Variants in CFAP69 observed in about 807,000 individuals in gnomAD.
CFAP69 encodes cilia- and flagella-associated protein 69.
CFAP69 carries 92 observed loss-of-function variants against 123.0 expected under a neutral mutation model. The ratio of observed to expected loss-of-function variants is 0.75; its 90% CI spans 0.63 to 0.89. The LOEUF is 0.89. Ranked by LOEUF, CFAP69 falls within the 40% of genes least tolerant of loss-of-function variation. The pLI is 0.00. For synonymous variants in CFAP69, 380 were observed against 364.3 expected, an observed-to-expected ratio of 1.04 and a Z score of -0.49; for missense variants, 1,067 against 1,096.9, an observed-to-expected ratio of 0.97 and a Z score of 0.39.
chr7:90,304,533 C>G, intron 18 of CFAP69: 1 of 1,325,722 alleles, frequency 7.5e-7, no homozygotes, highest in Non-Finnish European at 9.6e-7. Flanking sequence ...ATTGGATGAC[C>G]TGGCAGAAAT....
intron 4 of CFAP69, among the ~76,000 whole-genome samples, chr7:90,264,107 ATATATATATATATATATAT>A (rs1562855183): frequency 0.012 from 727 of 61,978 alleles, 128 homozygotes; most frequent in South Asian, 0.028. Flanking sequence ...AAAAAAAAAT[ATATATATATATATATATAT>A]ATATATATAT....
At chr7:90,315,001 A>G (rs1277555274), downstream of CFAP69, among the ~76,000 whole-genome samples, 5 of 152,198 alleles carry the variant, frequency 3.3e-5, no homozygotes, top group African/African-American at 4.8e-5. Flanking sequence ...AGCGTATGAA[A>G]AAAAAGCTCA....
chr7:90,285,288 A>G (rs1458572912), intron 13 of CFAP69, among the ~76,000 whole-genome samples: 1 of 152,162 alleles, frequency 6.6e-6, no homozygotes, highest in Non-Finnish European at 1.5e-5. Context: ...AATGGGACCT[A>G]GAATAGTCAG....
chr7:90,283,483 T>A (rs1343087582), intron 13 of CFAP69, among the ~76,000 whole-genome samples: 1 of 152,188 alleles, frequency 6.6e-6, no homozygotes, highest in Admixed American at 6.5e-5. Context: ...TTTTCTGATA[T>A]GAAATATCAG....
intron 12 of CFAP69, among the ~76,000 whole-genome samples, chr7:90,281,129 A>C (rs2117056484): frequency 6.6e-6 from 1 of 152,258 alleles, no homozygotes; most frequent in East Asian, 1.9e-4. Context: ...CCTCTCAACA[A>C]ACCTAGGAGG....
At chr7:90,305,339 TAA>T (rs1214395186) in intron 19 of CFAP69, among the ~76,000 whole-genome samples, 11 of 65,286 alleles carry the variant, frequency 1.7e-4, no homozygotes, top group South Asian at 4.2e-4. Flanking sequence ...AGACTCCGTC[TAA>T]AAAAAAAAAA....
intron 12 of CFAP69, among the ~76,000 whole-genome samples, chr7:90,282,040 C>A (rs554257431): frequency 6.6e-6 from 1 of 152,132 alleles, no homozygotes; most frequent in Admixed American, 6.6e-5. Context: ...CAATAAACTA[C>A]CATTTCACAT....
chr7:90,277,426 T>C (rs1315544422), intron 11 of CFAP69, 92 bp downstream of exon 11: 2 of 1,083,874 alleles, frequency 1.8e-6, no homozygotes, highest in Non-Finnish European at 2.5e-6. Context: ...ATTTTATCGG[T>C]TCATATATTT....
At chr7:90,264,321 T>C (rs1192530114) in intron 4 of CFAP69, among the ~76,000 whole-genome samples, 1 of 151,924 alleles carries the variant, frequency 6.6e-6, no homozygotes, top group East Asian at 1.9e-4. Context: ...TTATGATTTA[T>C]AAATAAGTTA....
chr7:90,250,217 A>AGAGAGAGAGAGAGG (rs1554347978), intron 1 of CFAP69, among the ~76,000 whole-genome samples: 18 of 151,182 alleles, frequency 1.2e-4, no homozygotes, highest in African/African-American at 4.2e-4. Context: ...AGAGAGAGAG[A>AGAGAGAGAGAGAGG]GAGAGAGAGA....
At chr7:90,250,203 A>AGAGAGAGAGAGG (rs1796821253) in intron 1 of CFAP69, among the ~76,000 whole-genome samples, 1 of 113,320 alleles carries the variant, frequency 8.8e-6, no homozygotes, top group Non-Finnish European at 1.6e-5. Context: ...AGAGAGAGAG[A>AGAGAGAGAGAGG]GAGAGAGAGA....
At chr7:90,252,143 TGTGC>T (rs1399090952) in intron 1 of CFAP69, 1 of 144,006 alleles carries the variant, frequency 6.9e-6, no homozygotes, top group Non-Finnish European at 1.5e-5. Flanking sequence ...TGTGTGTGTG[TGTGC>T]ATGCGCGTAT....
chr7:90,298,070 C>T (rs951102918), intron 16 of CFAP69, among the ~76,000 whole-genome samples: 1 of 152,118 alleles, frequency 6.6e-6, no homozygotes, highest in Non-Finnish European at 1.5e-5. Context: ...TTCAAATACA[C>T]GGGAACAAAG....
rs1794165008 is a variant in CFAP69 at position 90,310,142 on chromosome 7, T to C, written c.2730T>C (p.Asp910=). The C allele has an allele frequency of 1.2e-6, 2 of 1,613,838 alleles. No homozygotes were observed. The highest frequency in any genetic ancestry group is 1.7e-6 in the Non-Finnish European group (2 of 1,179,914). The change falls in exon 23 of 23, where the codon GAT becomes GAC. Residue 910 remains aspartate, a synonymous_variant. Coordinates refer to ENST00000389297, the MANE Select transcript of CFAP69 (RefSeq NM_001039706.3). ...TAGGAGGACCTCTGGTTGATACGGATATTGCTCTTAAAAAACTGCCCATTC... is the reference window on the plus strand; with the variant it reads ...TAGGAGGACCTCTGGTTGATACGGACATTGCTCTTAAAAAACTGCCCATTC... ...RLVGGPLVDT[D]IALKKLPIRG... is the part of the protein sequence containing the mutation.
At chr7:90,319,773 A>G in the CFAP69 span, 30 of 398,546 alleles carry the variant, frequency 7.5e-5, no homozygotes, top group African/African-American at 4.9e-4. Context: ...AAAAAATGAG[A>G]GAGGATATAT....
intron 3 of CFAP69, 141 bp downstream of exon 3, chr7:90,258,304 T>C: frequency 1.5e-6 from 1 of 650,512 alleles, no homozygotes; most frequent in African/African-American, 1.9e-5. Context: ...GTTATTATCA[T>C]ACAGTTTTGG....
In CFAP69 at chr7:90,286,961, G is replaced by A. The variant is rs191847822; in HGVS notation, c.1656+562G>A. 8.3e-3 allele frequency among the ~76,000 whole-genome samples: 1,262 copies of A among 151,456 alleles called. 6 individuals carry two copies. Among genetic ancestry groups the A allele is most frequent in the Non-Finnish European group, 0.012 (820 of 67,848 alleles). ...AAATTAGCCAGGCGTTGTGGTGTGC[G>A]CCTGTAATCTCAGTTACTCGGGAGG... On this transcript the variant is annotated intron_variant, in intron 14 of 22. Coordinates refer to ENST00000389297, the MANE Select transcript of CFAP69 (RefSeq NM_001039706.3).
intron 15 of CFAP69, among the ~76,000 whole-genome samples, chr7:90,295,930 C>G (rs367803541): frequency 6.6e-6 from 1 of 152,114 alleles, no homozygotes; most frequent in African/African-American, 2.4e-5. Context: ...TGAGGATGAC[C>G]GGAGGTCACT....
intron 5 of CFAP69, 118 bp from the exon 6 acceptor site, chr7:90,268,168 A>G: frequency 1.6e-6 from 1 of 625,962 alleles, no homozygotes. Flanking sequence ...AACATGATCC[A>G]GTTTGAATCT....
Sources: gnomAD v4.1 joint callset for allele counts (sites outside exome capture counted in the v4.1 genomes callset) on GRCh38, gnomAD v4.1.1 for gene constraint, MANE v1.5 for transcripts, NCBI Gene and HGNC (gene_info 2026-07-23, HGNC 2026-07-21) for gene names.